The following PCCA variants were observed in gnomAD, a reference collection of about 807,000 sequenced individuals.
The protein encoded by PCCA is propionyl-CoA carboxylase subunit alpha.
PCCA carries 74 observed loss-of-function variants against 101.3 expected under a neutral mutation model. The observed-to-expected ratio is 0.73, with a 90% confidence interval of 0.61 to 0.89. The LOEUF (loss-of-function observed/expected upper bound fraction) is 0.89, where lower values mean the gene tolerates loss of function less well. Ranked by LOEUF, PCCA falls within the 40% of genes least tolerant of loss-of-function variation. The pLI, the probability that PCCA is intolerant of heterozygous loss-of-function variation, is 0.00. For missense variants in PCCA, 891 were observed against 907.0 expected (o/e 0.98, Z 0.23); for synonymous variants, 294 against 313.6 (o/e 0.94, Z 0.66).
rs73570987 is a variant in PCCA, at chr13:100,168,019, G to A, written c.468+10679G>A. On this transcript the variant is annotated intron_variant, in intron 6 of 23. Coordinates refer to ENST00000376285, the MANE Select transcript of PCCA (RefSeq NM_000282.4). ...AATCCTGCTGAGGCCGTCTTGGTGT[G>A]ACCTCCTTCCTCACCACTGACCCCC... Among the ~76,000 whole-genome samples the A allele has an allele frequency of 7.7e-3, 1,176 of 152,204 alleles. 16 individuals are homozygous for A. The highest frequency in any genetic ancestry group is 0.026 in the African/African-American group (1,074 of 41,536).
intron 16 of PCCA, among the ~76,000 whole-genome samples, chr13:100,318,084 G>A (rs887592286): frequency 6.6e-6 from 1 of 152,144 alleles, no homozygotes; most frequent in African/African-American, 2.4e-5. Context: ...TTTCCGTATA[G>A]CAGCCTAAGT....
intron 7 of PCCA, among the ~76,000 whole-genome samples, chr13:100,221,998 A>G (rs1008963074): frequency 1.3e-5 from 2 of 151,906 alleles, no homozygotes; most frequent in African/African-American, 2.4e-5. Context: ...TGGCTCCCCA[A>G]AGTGCTAGGA....
intron 8 of PCCA, among the ~76,000 whole-genome samples, chr13:100,244,203 A>G (rs1289398099): frequency 5.3e-5 from 8 of 152,256 alleles, no homozygotes; most frequent in Non-Finnish European, 2.9e-5. Context: ...CATTAAAATA[A>G]TCTATGTGAA....
intron 21 of PCCA, among the ~76,000 whole-genome samples, chr13:100,458,574 A>T (rs1341882567): frequency 6.6e-6 from 1 of 152,086 alleles, no homozygotes; most frequent in Admixed American, 6.5e-5. Flanking sequence ...GTTCAAGGCT[A>T]TAGTGAGGTA....
Position 100,437,754 on chromosome 13 carries a change from C to T in PCCA, c.1846-11498C>T, listed in dbSNP as rs183901057. 2.9e-3 allele frequency among the ~76,000 whole-genome samples: 444 copies of T among 152,128 alleles called. 3 individuals carry two copies. Among genetic ancestry groups the T allele is most frequent in the African/African-American group, 9.5e-3 (396 of 41,532 alleles). ...CACAATCTCAGTTCACTGCAACCTC[C>T]GCCTCCCAGACTCAAGCAATTCTTC... On this transcript the variant is annotated intron_variant, in intron 20 of 23. Transcript: ENST00000376285.
chr13:100,481,860 G>A (rs1234616029), intron 21 of PCCA, among the ~76,000 whole-genome samples: 1 of 152,162 alleles, frequency 6.6e-6, no homozygotes, highest in Non-Finnish European at 1.5e-5. Flanking sequence ...CCTTGGATAA[G>A]GGGGGACTAC....
chr13:100,313,089 C>G (rs2067053585), intron 16 of PCCA, among the ~76,000 whole-genome samples: 1 of 152,102 alleles, frequency 6.6e-6, no homozygotes, highest in Non-Finnish European at 1.5e-5. Flanking sequence ...TTTGCTTTCT[C>G]TATTTCTCCC....
intron 4 of PCCA, among the ~76,000 whole-genome samples, chr13:100,121,172 TTTTTTA>T (rs545989951): frequency 0.11 from 13,119 of 122,344 alleles, 753 homozygotes; most frequent in African/African-American, 0.19. Flanking sequence ...TTTTTTTTTT[TTTTTTA>T]AAGATGGAGT....
At chr13:100,118,732 A>G (rs560926205) in intron 4 of PCCA, among the ~76,000 whole-genome samples, 3 of 152,098 alleles carry the variant, frequency 2.0e-5, no homozygotes, top group South Asian at 2.1e-4. Context: ...TATTTTTTGT[A>G]AAGATGGGGT....
intron 8 of PCCA, 64 bp downstream of exon 8, chr13:100,235,942 AG>A: frequency 1.0e-6 from 1 of 970,206 alleles, no homozygotes; most frequent in South Asian, 1.3e-5. Context: ...TTGAGTCAAC[AG>A]GTAATAAGTA....
intron 4 of PCCA, among the ~76,000 whole-genome samples, chr13:100,143,527 T>G (rs1031245022): frequency 6.9e-6 from 1 of 144,364 alleles, no homozygotes; most frequent in African/African-American, 2.6e-5. Flanking sequence ...AGAGCGAGAC[T>G]CTGCATCCAC....
At chr13:100,274,844 C>T (rs1032082666) in intron 12 of PCCA, among the ~76,000 whole-genome samples, 9 of 152,172 alleles carry the variant, frequency 5.9e-5, no homozygotes, top group Middle Eastern at 3.4e-3. Flanking sequence ...TGAATTTTGA[C>T]ACGACACTCT....
At chr13:100,108,924 AT>A (rs2048053030) in intron 2 of PCCA, among the ~76,000 whole-genome samples, 1 of 152,162 alleles carries the variant, frequency 6.6e-6, no homozygotes, top group African/African-American at 2.4e-5. Context: ...TTAGAAGAAA[AT>A]TTTATGTATG....
intron 16 of PCCA, among the ~76,000 whole-genome samples, chr13:100,328,899 G>A (rs1168666971): frequency 6.6e-6 from 1 of 151,028 alleles, no homozygotes; most frequent in African/African-American, 2.4e-5. Flanking sequence ...TCACTGTGTT[G>A]GCCAGGCTGG....
chr13:100,179,497 C>A (rs1392440465), intron 6 of PCCA, among the ~76,000 whole-genome samples: 1 of 152,184 alleles, frequency 6.6e-6, no homozygotes, highest in African/African-American at 2.4e-5. Flanking sequence ...GCTTGTTAAT[C>A]ATTTCTGCGT....
chr13:100,126,971 A>T (rs1253290588), intron 4 of PCCA, among the ~76,000 whole-genome samples: 2 of 152,216 alleles, frequency 1.3e-5, no homozygotes, highest in Non-Finnish European at 1.5e-5. Flanking sequence ...GCAGCATCAG[A>T]AGTAAAACTT....
At chr13:100,153,950 T>C (rs1308078973) in intron 4 of PCCA, among the ~76,000 whole-genome samples, 1 of 152,230 alleles carries the variant, frequency 6.6e-6, no homozygotes, top group African/African-American at 2.4e-5. Context: ...ACTACTTTTT[T>C]AGTTTTTTAA....
intron 20 of PCCA, among the ~76,000 whole-genome samples, chr13:100,448,121 T>C (rs1268613649): frequency 6.6e-6 from 1 of 152,228 alleles, no homozygotes; most frequent in African/African-American, 2.4e-5. Flanking sequence ...CACTGAGCCC[T>C]CTCTGATTAG....
chr13:100,126,252 A>G (rs753749165), intron 4 of PCCA, among the ~76,000 whole-genome samples: 3 of 152,068 alleles, frequency 2.0e-5, no homozygotes, highest in Non-Finnish European at 2.9e-5. Context: ...AATTGTGTCA[A>G]CTGTGCTGTG....
Sources: allele counts gnomAD v4.1 joint callset (sites outside exome capture counted in the v4.1 genomes callset), GRCh38; gene constraint gnomAD v4.1.1; transcripts MANE v1.5; gene names NCBI Gene and HGNC (gene_info 2026-07-23, HGNC 2026-07-21).